Variants in COL4A5 observed in about 807,000 individuals in gnomAD.
COL4A5 encodes the protein collagen type IV alpha 5 chain.
In COL4A5, 26 loss-of-function variants were observed where a neutral mutation model predicts 130.2. The ratio of observed to expected loss-of-function variants is 0.20; its 90% CI spans 0.15 to 0.28. COL4A5 has a LOEUF of 0.28. Ranked by LOEUF, COL4A5 falls within the 10% of genes least tolerant of loss-of-function variation. COL4A5 has a pLI of 1.00. For synonymous variants in COL4A5, 496 were observed against 439.6 expected, an observed-to-expected ratio of 1.13 and a Z score of -1.60; for missense variants, 1,131 against 1,344.3, an observed-to-expected ratio of 0.84 and a Z score of 2.48.
chrX:108,544,249 C>A (rs1442996242), intron 2 of COL4A5, among the ~76,000 whole-genome samples: 5 of 111,804 alleles, frequency 4.5e-5, no homozygotes, highest in African/African-American at 1.6e-4. Context: ...GTGGGTTTGT[C>A]ATAGATAGCT....
At chrX:108,566,264 A>G (rs2065968074) in intron 4 of COL4A5, among the ~76,000 whole-genome samples, 2 of 109,600 alleles carry the variant, frequency 1.8e-5, no homozygotes, top group Non-Finnish European at 3.8e-5. Context: ...TTATATGCAC[A>G]TGGAATTTGT....
chrX:108,463,910 C>T (rs2064677765), intron 1 of COL4A5, among the ~76,000 whole-genome samples: 1 of 111,614 alleles, frequency 9.0e-6, no homozygotes, highest in South Asian at 3.8e-4. Flanking sequence ...AGGGCAGATT[C>T]CCCTCTTTTT....
intron 10 of COL4A5, among the ~76,000 whole-genome samples, chrX:108,577,192 G>A (rs2066164211): frequency 9.3e-6 from 1 of 107,976 alleles, no homozygotes; most frequent in East Asian, 2.9e-4. Context: ...CCAATATGGA[G>A]AAACCCCATC....
chrX:108,487,505 G>A (rs1197199445), intron 1 of COL4A5, among the ~76,000 whole-genome samples: 2 of 108,803 alleles, frequency 1.8e-5, no homozygotes, highest in Non-Finnish European at 3.8e-5. Context: ...GGAGTGAGAT[G>A]GTATCACATG....
chrX:108,451,372 G>C (rs771338148), intron 1 of COL4A5, among the ~76,000 whole-genome samples: 86 of 111,476 alleles, frequency 7.7e-4, no homozygotes, highest in African/African-American at 2.5e-3. Flanking sequence ...TAATGGGATG[G>C]CTGAGTCAAA....
chrX:108,604,222 A>G (rs1229259024), intron 28 of COL4A5, among the ~76,000 whole-genome samples: 1 of 112,518 alleles, frequency 8.9e-6, no homozygotes, highest in African/African-American at 3.2e-5. Context: ...CAGATCCATA[A>G]GAAGAATCAC....
Position 108,439,931 on chromosome X carries a change from A to G in COL4A5, c.-195A>G. On this transcript the variant is annotated 5_prime_UTR_variant, in exon 1 of 53. Transcript: ENST00000328300. ...ACCGGCTTTGGGGAGGGGAGGGGGG[A>G]AGGAAGAGTAGCTCCTTCTTCTTCT... The G allele has an allele frequency of 2.3e-6, 1 of 429,906 alleles. No individual in the cohort carries two copies. 35.4% of individuals were successfully genotyped at this position (429,906 alleles called of 1,213,427 possible). A position where few individuals can be genotyped will look rare whatever the true frequency, so the allele number is the denominator to read the frequency against.
chrX:108,639,910 A>G lies in COL4A5; in HGVS notation c.3246+13561A>G, dbSNP rs1359057195. On this transcript the variant is annotated intron_variant, in intron 36 of 52. Transcript: ENST00000328300. Reference sequence around the variant, plus strand: ...AACAAGTGTTGGTGAGGATGTGGAGAAGTTGGAACTCTCCTGTATTGCTAG... The same window carrying G: ...AACAAGTGTTGGTGAGGATGTGGAGGAGTTGGAACTCTCCTGTATTGCTAG... Among the ~76,000 whole-genome samples, 10 of 112,219 alleles carry G rather than the reference A, an allele frequency of 8.9e-5. No individual in the cohort carries two copies. The Admixed American group carries it at 9.4e-4, about 11-fold the overall frequency.
intron 1 of COL4A5, 70 bp downstream of exon 1, chrX:108,440,276 G>T (rs2064377080): frequency 1.4e-6 from 1 of 738,096 alleles, no homozygotes; most frequent in African/African-American, 2.1e-5. Context: ...TTTTTTGGGG[G>T]GGGGGTCCCT....
chrX:108,653,297 A>G (rs1170829628), intron 36 of COL4A5, among the ~76,000 whole-genome samples: 1 of 110,835 alleles, frequency 9.0e-6, no homozygotes, highest in Non-Finnish European at 1.9e-5. Context: ...CCCCTTACCA[A>G]GGGGGATACA....
intron 1 of COL4A5, among the ~76,000 whole-genome samples, chrX:108,468,431 T>C (rs1198625854): frequency 8.9e-6 from 1 of 112,243 alleles, no homozygotes; most frequent in Non-Finnish European, 1.9e-5. Context: ...ATCCTTAGTT[T>C]GTTCCTGATC....
intron 1 of COL4A5, among the ~76,000 whole-genome samples, chrX:108,533,200 G>T (rs1186206181): frequency 9.0e-6 from 1 of 111,449 alleles, no homozygotes; most frequent in Non-Finnish European, 1.9e-5. Flanking sequence ...CAATGGAACA[G>T]AATAGAGAAC....
intron 16 of COL4A5, among the ~76,000 whole-genome samples, chrX:108,582,322 A>G (rs2066263972): frequency 9.0e-6 from 1 of 111,351 alleles, no homozygotes; most frequent in Non-Finnish European, 1.9e-5. Context: ...TTTTCAACAA[A>G]TTGGGGTTGC....
intron 37 of COL4A5, among the ~76,000 whole-genome samples, chrX:108,656,754 A>C (rs1259651978): frequency 8.9e-6 from 1 of 112,057 alleles, no homozygotes; most frequent in East Asian, 2.8e-4. Flanking sequence ...TTCCTAATGA[A>C]TAATAGTATT....
chrX:108,606,011 G>A (rs754890345), intron 28 of COL4A5, among the ~76,000 whole-genome samples: 10 of 111,481 alleles, frequency 9.0e-5, no homozygotes, highest in Admixed American at 4.8e-4. Flanking sequence ...TGTAATTATC[G>A]TGACTATTTT....
intron 1 of COL4A5, among the ~76,000 whole-genome samples, chrX:108,470,014 T>C (rs1175250830): frequency 8.9e-6 from 1 of 112,572 alleles, no homozygotes; most frequent in Non-Finnish European, 1.9e-5. Context: ...ATGTACCACA[T>C]ATTCTCTATC....
At chrX:108,465,525 T>A (rs1456618180) in intron 1 of COL4A5, among the ~76,000 whole-genome samples, 1 of 112,392 alleles carries the variant, frequency 8.9e-6, no homozygotes, top group Admixed American at 9.4e-5. Flanking sequence ...ACACACCTAG[T>A]ATTTTTCCCA....
intron 19 of COL4A5, among the ~76,000 whole-genome samples, chrX:108,588,596 G>C (rs1231334984): frequency 1.8e-5 from 2 of 109,578 alleles, no homozygotes; most frequent in Non-Finnish European, 3.8e-5. Flanking sequence ...GGCAGCATTT[G>C]AAAAAAAATA....
chrX:108,646,252 AT>A (rs1054207779), intron 36 of COL4A5, among the ~76,000 whole-genome samples: 1 of 111,250 alleles, frequency 9.0e-6, no homozygotes, highest in Non-Finnish European at 1.9e-5. Flanking sequence ...TTGTTTCCTG[AT>A]TTTTTAATGA....
Sources: gnomAD v4.1 joint callset for allele counts (sites outside exome capture counted in the v4.1 genomes callset) on GRCh38, gnomAD v4.1.1 for gene constraint, MANE v1.5 for transcripts, NCBI Gene and HGNC (gene_info 2026-07-23, HGNC 2026-07-21) for gene names.